UST: variants seen among roughly 807,000 people sequenced by gnomAD.
UST encodes the protein uronyl 2-sulfotransferase, also known as chondroitin sulfate 2-O-sulfotransferase.
Under a neutral mutation model 45.6 loss-of-function variants are expected in UST, and 21 were observed. That is an observed-to-expected ratio of 0.46 (90% CI 0.33 to 0.66). UST has a LOEUF of 0.66. UST is among the 30% of genes least tolerant of loss of function. UST has a pLI of 0.02. For missense variants in UST, 463 were observed against 512.4 expected (o/e 0.90, Z 0.93); for synonymous variants, 215 against 200.6 (o/e 1.07, Z -0.61).
intron 1 of UST, among the ~76,000 whole-genome samples, chr6:148,787,833 A>G (rs1776761337): frequency 6.6e-6 from 1 of 152,200 alleles, no homozygotes. Flanking sequence ...CAACCCAAAT[A>G]GTGACAGTGC....
chr6:148,747,216 G>A lies in UST; in HGVS notation c.-215G>A, dbSNP rs540628596. On this transcript the variant is annotated 5_prime_UTR_variant, in exon 1 of 8. Coordinates refer to ENST00000367463, the MANE Select transcript of UST (RefSeq NM_005715.3). Reference sequence around the variant, plus strand: ...CCCGTCACGGGCAGCGCCCCGAACCGGGGCCGGACACCTCGGCCGCTCGGG... The same window carrying A: ...CCCGTCACGGGCAGCGCCCCGAACCAGGGCCGGACACCTCGGCCGCTCGGG... 578 of 399,128 alleles carry A rather than the reference G, an allele frequency of 1.4e-3. 3 individuals are homozygous for A. Among genetic ancestry groups the A allele is most frequent in the African/African-American group, 0.011 (507 of 47,800 alleles). The allele number at this position is 399,128 out of a possible 1,614,324, so 24.7% of individuals were successfully genotyped here. A position where few individuals can be genotyped will look rare whatever the true frequency, so the allele number is the denominator to read the frequency against.
chr6:148,972,058 CT>C (rs1780928934), intron 5 of UST, among the ~76,000 whole-genome samples: 2 of 152,160 alleles, frequency 1.3e-5, no homozygotes, highest in South Asian at 4.1e-4. Flanking sequence ...ACATTGAAGA[CT>C]CATTGCTGTG....
At chr6:148,978,377 G>C (rs891065643) in intron 5 of UST, among the ~76,000 whole-genome samples, 8 of 152,212 alleles carry the variant, frequency 5.3e-5, no homozygotes, top group African/African-American at 1.9e-4. Flanking sequence ...GCACATGTGT[G>C]TTTATTGCAG....
chr6:149,044,073 C>CT (rs1776364096), intron 7 of UST, among the ~76,000 whole-genome samples: 1 of 152,186 alleles, frequency 6.6e-6, no homozygotes, highest in Non-Finnish European at 1.5e-5. Flanking sequence ...CTTTAAGTGA[C>CT]TAGGGTACAT....
At chr6:148,945,985 C>T (rs1780227613) in intron 3 of UST, among the ~76,000 whole-genome samples, 1 of 152,178 alleles carries the variant, frequency 6.6e-6, no homozygotes, top group Non-Finnish European at 1.5e-5. Flanking sequence ...ATCCTATGCC[C>T]ATGTGCCCTA....
At chr6:148,932,431 C>G (rs151115317) in intron 2 of UST, among the ~76,000 whole-genome samples, 1 of 152,278 alleles carries the variant, frequency 6.6e-6, no homozygotes, top group East Asian at 1.9e-4. Flanking sequence ...CAGTTTATGG[C>G]TGCTTTTTGC....
At chr6:148,895,815 T>C (rs1779117603) in intron 2 of UST, among the ~76,000 whole-genome samples, 1 of 152,242 alleles carries the variant, frequency 6.6e-6, no homozygotes, top group Non-Finnish European at 1.5e-5. Flanking sequence ...AACCTCTTTC[T>C]TTTGTAAATT....
intron 2 of UST, among the ~76,000 whole-genome samples, chr6:148,889,295 G>C (rs754446042): frequency 6.6e-6 from 1 of 152,314 alleles, no homozygotes; most frequent in East Asian, 1.9e-4. Context: ...ATTTTCTGTG[G>C]TGTTTTTACT....
chr6:148,934,261 C>G lies in UST; in HGVS notation c.292-7018C>G, dbSNP rs983931882. On this transcript the variant is annotated intron_variant, in intron 2 of 7. Transcript: ENST00000367463. This position sits in a 1 kb window ranked among gnomAD's most constrained non-coding sequence, Gnocchi z 4.1. The stretch of plus-strand genomic sequence containing the variant: ...TCACAGTCCTATGGACAGTGAGGAA[C>G]AGAATTGTCCCTGAATTCAGGCCTT... Among the ~76,000 whole-genome samples, 7 of 152,168 alleles carry G rather than the reference C, an allele frequency of 4.6e-5. No homozygotes were observed. Among genetic ancestry groups the G allele is most frequent in the African/African-American group, 1.7e-4 (7 of 41,442 alleles).
chr6:148,845,267 A>T (rs1171021219), intron 1 of UST, among the ~76,000 whole-genome samples: 2 of 152,334 alleles, frequency 1.3e-5, no homozygotes, highest in East Asian at 3.9e-4. Context: ...CCAACAGTGT[A>T]TATGCGTTTC....
chr6:148,814,007 A>G (rs1401661935), intron 1 of UST, among the ~76,000 whole-genome samples: 7 of 152,210 alleles, frequency 4.6e-5, no homozygotes, highest in African/African-American at 1.4e-4. Context: ...CGGCCTTTCC[A>G]GGAACCCATC....
intron 5 of UST, among the ~76,000 whole-genome samples, chr6:149,010,913 A>ACAAAAAAAAAC (rs1554234077): frequency 2.2e-5 from 2 of 92,968 alleles, no homozygotes; most frequent in Non-Finnish European, 4.0e-5. Context: ...AAAAAAAAAA[A>ACAAAAAAAAAC]AAAAAACTGT....
intron 1 of UST, among the ~76,000 whole-genome samples, chr6:148,864,271 G>C (rs1778381293): frequency 6.6e-6 from 1 of 152,370 alleles, no homozygotes; most frequent in Middle Eastern, 3.4e-3. Context: ...CTAGCAGCGA[G>C]TGAGGCTCCA....
chr6:148,906,790 A>G (rs975208097), intron 2 of UST, among the ~76,000 whole-genome samples: 1 of 152,254 alleles, frequency 6.6e-6, no homozygotes, highest in Admixed American at 6.5e-5. Context: ...TAATTGAAAG[A>G]AACCATCTAA....
intron 7 of UST, among the ~76,000 whole-genome samples, chr6:149,070,509 C>T (rs1776804075): frequency 6.6e-6 from 1 of 152,180 alleles, no homozygotes; most frequent in Admixed American, 6.6e-5. Flanking sequence ...CTAGGCTCCC[C>T]TGTGCAAAGG....
At chr6:148,762,847 C>G (rs1358857707) in intron 1 of UST, among the ~76,000 whole-genome samples, 1 of 152,068 alleles carries the variant, frequency 6.6e-6, no homozygotes, top group Non-Finnish European at 1.5e-5. Context: ...CAGCTCCATT[C>G]CTGTTGCTGC....
At chr6:148,919,417 CGTGTGT>C (rs71007929) in intron 2 of UST, among the ~76,000 whole-genome samples, 4,071 of 148,062 alleles carry the variant, frequency 0.027, 190 homozygotes, top group African/African-American at 0.098. Flanking sequence ...GTGTCAGAGC[CGTGTGT>C]GTGTGTGTGT....
intron 5 of UST, 27 bp from the exon 6 acceptor site, chr6:149,019,112 A>C: frequency 6.5e-7 from 1 of 1,544,110 alleles, no homozygotes; most frequent in African/African-American, 1.4e-5. Context: ...ACTACAAGAC[A>C]TCTGACTGCT....
At chr6:148,752,600 C>T (rs1715607826) in intron 1 of UST, among the ~76,000 whole-genome samples, 1 of 152,216 alleles carries the variant, frequency 6.6e-6, no homozygotes, top group Non-Finnish European at 1.5e-5. Flanking sequence ...TGTCTAAGAA[C>T]ACATATAAAT....
Sources: allele counts gnomAD v4.1 joint callset (sites outside exome capture counted in the v4.1 genomes callset), GRCh38; gene constraint gnomAD v4.1.1; non-coding constraint Gnocchi (gnomAD v3.1); transcripts MANE v1.5; gene names NCBI Gene and HGNC (gene_info 2026-07-23, HGNC 2026-07-21).